Variants in GLRA1 observed in about 807,000 individuals in gnomAD.
The protein encoded by GLRA1 is glycine receptor alpha 1.
In GLRA1, 37 loss-of-function variants were observed where a neutral mutation model predicts 48.3. The observed-to-expected ratio is 0.77, with a 90% CI of 0.59 to 1.01. The LOEUF (loss-of-function observed/expected upper bound fraction) is 1.01. Ranked by LOEUF, GLRA1 falls within the 50% of genes least tolerant of loss-of-function variation. The probability of loss-of-function intolerance (pLI) is 0.00; values close to 1 mark genes in which losing one functional copy is unlikely to be tolerated. For missense variants in GLRA1, 427 were observed against 571.0 expected (o/e 0.75, Z 2.57); for synonymous variants, 196 against 210.7 (o/e 0.93, Z 0.60).
intron 1 of GLRA1, among the ~76,000 whole-genome samples, chr5:151,896,574 C>G (rs1201648750): frequency 6.6e-6 from 1 of 152,156 alleles, no homozygotes; most frequent in African/African-American, 2.4e-5. Context: ...TTGTGAACTA[C>G]CCGGTAATCC....
chr5:151,864,903 A>G (rs950370407), intron 3 of GLRA1, among the ~76,000 whole-genome samples: 18 of 152,196 alleles, frequency 1.2e-4, no homozygotes, highest in African/African-American at 4.3e-4. Context: ...AAGCTGGAAC[A>G]GAATGGACTT....
chr5:151,841,421 C>T (rs1177839657), intron 7 of GLRA1, among the ~76,000 whole-genome samples: 2 of 143,894 alleles, frequency 1.4e-5, no homozygotes, highest in African/African-American at 2.6e-5. Flanking sequence ...TAACTTTGCA[C>T]TTTAAGAAAC....
In GLRA1 at chr5:151,907,374, G is replaced by C. The variant is rs185183318; in HGVS notation, c.57-14936C>G. ...TAGACTTGGAGAGGTCACCTCCTAG[G>C]TGAGTATTTTACTTCACTTCTGCAG... On this transcript the variant is annotated intron_variant, in intron 1 of 8. Transcript: ENST00000274576. Among the ~76,000 whole-genome samples, 26 of 152,274 alleles carry C rather than the reference G, an allele frequency of 1.7e-4. No individual in the cohort carries two copies. In the East Asian group the frequency reaches 4.6e-3, roughly 27 times the overall value.
chr5:151,855,756 A>G (rs1478392481), intron 5 of GLRA1, among the ~76,000 whole-genome samples: 1 of 152,174 alleles, frequency 6.6e-6, no homozygotes, highest in Non-Finnish European at 1.5e-5. Context: ...TGTATTTTTA[A>G]GTTAGTCAGA....
chr5:151,851,474 A>G lies in GLRA1; in HGVS notation c.828T>C (p.Ala276=), dbSNP rs777466417. 1 of 1,614,086 alleles carries G rather than the reference A, an allele frequency of 6.2e-7. No individual in the cohort carries two copies. The highest frequency in any genetic ancestry group is 8.5e-7 in the Non-Finnish European group (1 of 1,179,930). Residue 276 remains alanine, a synonymous_variant, in exon 7 of 9, where the codon GCT becomes GCC. Coordinates refer to ENST00000274576, the MANE Select transcript of GLRA1 (RefSeq NM_000171.4). ...TGCCTAGGCCCACACGAGCAGGTGC[A>G]GCATCCATGTTGATCCAGAAGGAGA... ...SWISFWINMD[A]APARVGLGIT...
At chr5:151,827,013 TTC>T (rs957243700) in intron 8 of GLRA1, among the ~76,000 whole-genome samples, 2 of 145,974 alleles carry the variant, frequency 1.4e-5, no homozygotes, top group African/African-American at 5.1e-5. Flanking sequence ...TTTGGTCAGT[TTC>T]TTTCTTTCTT....
At chr5:151,870,712 C>T (rs984044771) in intron 3 of GLRA1, among the ~76,000 whole-genome samples, 1 of 149,642 alleles carries the variant, frequency 6.7e-6, no homozygotes, top group Non-Finnish European at 1.5e-5. Flanking sequence ...CACCAACTTT[C>T]TTGCCATTAG....
At position 151,851,290 on chromosome 5, in the gene GLRA1, G is replaced by A; in HGVS notation, c.912+100C>T. 13 of 794,668 alleles carry A rather than the reference G, an allele frequency of 1.6e-5. No individual in the cohort carries two copies. The South Asian group carries it at 1.9e-4, about 11-fold the overall frequency. The allele number at this position is 794,668 out of a possible 1,614,324, so 49.2% of individuals were successfully genotyped here. A position where few individuals can be genotyped will look rare whatever the true frequency, so the allele number is the denominator to read the frequency against. On this transcript the variant is annotated intron_variant, in intron 7 of 8. Transcript: ENST00000274576. ...GCAAAGTATAGTAGATAAATAAGTA[G>A]TGAATAATTCCTTTGCTCCCCATGT... is the stretch of plus-strand genomic sequence containing the variant.
intron 3 of GLRA1, among the ~76,000 whole-genome samples, chr5:151,860,403 TC>T (rs1443698816): frequency 2.0e-5 from 3 of 152,006 alleles, no homozygotes; most frequent in Non-Finnish European, 4.4e-5. Context: ...TAAATTGAAG[TC>T]CCCCTTTTAC....
chr5:151,860,254 G>A (rs1753160423), intron 3 of GLRA1, among the ~76,000 whole-genome samples: 1 of 152,008 alleles, frequency 6.6e-6, no homozygotes, highest in Non-Finnish European at 1.5e-5. Flanking sequence ...TTATGTAAAT[G>A]TTATTCTTTA....
At chr5:151,869,393 C>T (rs993762782) in intron 3 of GLRA1, among the ~76,000 whole-genome samples, 2 of 151,750 alleles carry the variant, frequency 1.3e-5, no homozygotes, top group South Asian at 4.2e-4. Context: ...CATGAGCCAC[C>T]ACATAGAACT....
intron 7 of GLRA1, among the ~76,000 whole-genome samples, 197 bp from the exon 8 acceptor site, chr5:151,829,264 G>A (rs1480403919): frequency 6.6e-6 from 1 of 152,082 alleles, no homozygotes; most frequent in African/African-American, 2.4e-5. Flanking sequence ...GAATATTGGG[G>A]GTAAATAGAT....
chr5:151,859,108 C>T (rs28409941), intron 4 of GLRA1, among the ~76,000 whole-genome samples: 1 of 152,144 alleles, frequency 6.6e-6, no homozygotes, highest in African/African-American at 2.4e-5. Context: ...TGAAAAGTAC[C>T]TGGCATAGTT....
In GLRA1 at chr5:151,859,951, T is replaced by C. The variant is rs374949730; in HGVS notation, c.310A>G (p.Asn104Asp). The C allele has an allele frequency of 6.2e-7, 1 of 1,614,114 alleles. No individual in the cohort carries two copies. The highest frequency in any genetic ancestry group is 8.5e-7 in the Non-Finnish European group (1 of 1,180,014). Residue 104 changes from asparagine (N) to aspartate (D), a missense_variant, in exon 4 of 9, where the codon AAT (asparagine) becomes GAT (aspartate). Coordinates refer to ENST00000274576, the MANE Select transcript of GLRA1 (RefSeq NM_000171.4). ...QQWNDPRLAYNEYPDDSLDLD... is the reference protein window; with the variant it reads ...QQWNDPRLAYDEYPDDSLDLD... ...TCCAGAGAGTCGTCAGGGTATTCAT[T>C]ATAGGCCAGGCGGGGGTCGTTCCAT...
chr5:151,859,922 C>T lies in GLRA1; in HGVS notation c.339G>A (p.Leu113=), dbSNP rs374319634. 6.2e-7 allele frequency: 1 copy of T among 1,614,018 alleles called. No homozygotes were observed. The change falls in exon 4 of 9, where the codon CTG becomes CTA. Residue 113 remains leucine, a synonymous_variant. Coordinates refer to ENST00000274576, the MANE Select transcript of GLRA1 (RefSeq NM_000171.4). ...AGATGGAGTCCAGCATGGATGGGTC[C>T]AGGTCCAGAGAGTCGTCAGGGTATT... The part of the protein sequence containing the change: ...YNEYPDDSLD[L]DPSMLDSIWK...
chr5:151,908,784 G>A (rs1754537480), intron 1 of GLRA1, among the ~76,000 whole-genome samples: 1 of 152,200 alleles, frequency 6.6e-6, no homozygotes, highest in Non-Finnish European at 1.5e-5. Context: ...AAAGGGAAGT[G>A]TGTTGTCAAG....
intron 3 of GLRA1, among the ~76,000 whole-genome samples, chr5:151,868,664 G>A (rs1181159217): frequency 1.3e-5 from 2 of 152,214 alleles, no homozygotes; most frequent in South Asian, 2.1e-4. Context: ...CTGCTATGAC[G>A]TACCTGTGGG....
At chr5:151,922,593 T>C (rs886263485) in intron 1 of GLRA1, among the ~76,000 whole-genome samples, 2 of 152,254 alleles carry the variant, frequency 1.3e-5, no homozygotes, top group Non-Finnish European at 2.9e-5. Context: ...CCCACATCCA[T>C]TGTAGCTCAT....
chr5:151,892,811 A>G (rs184714722), intron 1 of GLRA1, among the ~76,000 whole-genome samples: 1 of 152,340 alleles, frequency 6.6e-6, no homozygotes, highest in Admixed American at 6.5e-5. Context: ...TCACAGGTCC[A>G]TGGAGCCACA....
Sources: gnomAD v4.1 joint callset for allele counts (sites outside exome capture counted in the v4.1 genomes callset) on GRCh38, gnomAD v4.1.1 for gene constraint, MANE v1.5 for transcripts, NCBI Gene and HGNC (gene_info 2026-07-23, HGNC 2026-07-21) for gene names.